The following PCDH11X variants were observed in gnomAD, a reference collection of about 807,000 sequenced individuals.
PCDH11X encodes protocadherin-11 X-linked.
Under a neutral mutation model 53.3 loss-of-function variants are expected in PCDH11X, and 18 were observed. That is an observed-to-expected ratio of 0.34 (90% CI 0.23 to 0.50). The LOEUF (loss-of-function observed/expected upper bound fraction) is 0.50. PCDH11X is among the 20% of genes least tolerant of loss of function. The pLI is 0.98. For missense variants in PCDH11X, 570 were observed against 1,032.4 expected (o/e 0.55, Z 6.14); for synonymous variants, 279 against 393.3 (o/e 0.71, Z 3.44).
chrX:92,522,118 CTA>C (rs749419380), intron 10 of PCDH11X, among the ~76,000 whole-genome samples: 1 of 112,145 alleles, frequency 8.9e-6, no homozygotes, highest in African/African-American at 3.2e-5. Context: ...ACTTGGCAAA[CTA>C]TTTGGTGCAA....
At chrX:92,308,355 T>C (rs941440149) in intron 8 of PCDH11X, among the ~76,000 whole-genome samples, 18 of 111,579 alleles carry the variant, frequency 1.6e-4, no homozygotes, top group Admixed American at 1.4e-3. Context: ...ATCATGTATA[T>C]GGTTAAATGA....
chrX:92,306,024 A>G lies in PCDH11X; in HGVS notation c.3144+42881A>G, dbSNP rs190184760. On this transcript the variant is annotated intron_variant, in intron 8 of 10. Transcript: ENST00000682573. Reference sequence around the variant, plus strand: ...CCAGAATTGACCATATGACAGCCATAAAACAAGTCAATAATCTTAAATGGC... The same window carrying G: ...CCAGAATTGACCATATGACAGCCATGAAACAAGTCAATAATCTTAAATGGC... 6.4e-3 allele frequency among the ~76,000 whole-genome samples: 708 copies of G among 111,000 alleles called. 7 individuals carry two copies. The highest frequency in any genetic ancestry group is 0.022 in the African/African-American group (671 of 30,519).
chrX:92,276,737 T>G (rs1036071658), intron 8 of PCDH11X, among the ~76,000 whole-genome samples: 2 of 111,918 alleles, frequency 1.8e-5, no homozygotes, highest in Non-Finnish European at 3.8e-5. Flanking sequence ...TGGAGTTTTA[T>G]TTAATGTCGG....
intron 6 of PCDH11X, among the ~76,000 whole-genome samples, chrX:91,967,165 T>A (rs1341286428): frequency 9.1e-6 from 1 of 110,343 alleles, no homozygotes; most frequent in African/African-American, 3.3e-5. Flanking sequence ...GGGACCTATT[T>A]AGTGTCATTC....
intron 7 of PCDH11X, 139 bp from the exon 8 acceptor site, chrX:92,262,975 G>A: frequency 3.8e-6 from 4 of 1,060,494 alleles, no homozygotes; most frequent in Non-Finnish European, 3.7e-6. Context: ...ACAAAGCTGT[G>A]TACCATTGCA....
chrX:92,015,076 T>C (rs1317903464), intron 6 of PCDH11X, among the ~76,000 whole-genome samples: 1 of 112,255 alleles, frequency 8.9e-6, no homozygotes, highest in Non-Finnish European at 1.9e-5. Context: ...CAAAAAAAGA[T>C]ATAAAATAAA....
chrX:92,063,448 C>T (rs749830585), intron 6 of PCDH11X, among the ~76,000 whole-genome samples: 32 of 110,830 alleles, frequency 2.9e-4, no homozygotes, highest in African/African-American at 1.0e-3. Context: ...CATGTATCTC[C>T]TGGGTTATTT....
intron 6 of PCDH11X, among the ~76,000 whole-genome samples, chrX:92,193,582 A>AT (rs1478215873): frequency 2.7e-5 from 3 of 110,697 alleles, no homozygotes; most frequent in Admixed American, 9.7e-5. Context: ...ATTCCTCTAT[A>AT]TTTTTTTCCA....
intron 1 of PCDH11X, among the ~76,000 whole-genome samples, chrX:91,807,671 A>C (rs1466811310): frequency 2.7e-5 from 3 of 111,711 alleles, no homozygotes; most frequent in African/African-American, 9.8e-5. Flanking sequence ...CTCATAAATC[A>C]TTCTAGGAGG....
intron 7 of PCDH11X, among the ~76,000 whole-genome samples, chrX:92,221,737 CA>C (rs909393789): frequency 9.0e-6 from 1 of 111,598 alleles, no homozygotes; most frequent in African/African-American, 3.3e-5. Context: ...TAATAAAAAT[CA>C]AAGTGAACCT....
At chrX:92,351,966 T>C (rs1188719242) in intron 8 of PCDH11X, among the ~76,000 whole-genome samples, 1 of 111,982 alleles carries the variant, frequency 8.9e-6, no homozygotes. Context: ...TTTCAAGCAA[T>C]GGGAAATTGG....
At chrX:91,875,449 A>ATT (rs547202071) in intron 5 of PCDH11X, among the ~76,000 whole-genome samples, 5 of 99,945 alleles carry the variant, frequency 5.0e-5, no homozygotes, top group African/African-American at 1.5e-4. Flanking sequence ...CGCCAGGCTA[A>ATT]TTTTTTTTTT....
intron 6 of PCDH11X, among the ~76,000 whole-genome samples, chrX:92,043,129 A>C: frequency 9.3e-6 from 1 of 107,320 alleles, no homozygotes; most frequent in African/African-American, 3.5e-5. Flanking sequence ...AAAGTGAGGG[A>C]GAATATTTTT....
chrX:92,468,380 G>T, intron 10 of PCDH11X, 58 bp downstream of exon 10: 1 of 1,135,126 alleles, frequency 8.8e-7, no homozygotes, highest in South Asian at 2.2e-5. Context: ...TTAAAATGCA[G>T]TGCTGATTTG....
rs182976957 is a variant in PCDH11X at position 91,965,575 on chromosome X, T to G, written c.3033+86302T>G. Among the ~76,000 whole-genome samples the G allele has an allele frequency of 2.8e-5, 3 of 106,513 alleles. No homozygotes were observed. The East Asian group carries it at 8.9e-4, about 32-fold the overall frequency. The allele number at this position is 106,513 out of a possible 115,157, so 92.5% of individuals were successfully genotyped here. On this transcript the variant is annotated intron_variant, in intron 6 of 10. Transcript: ENST00000682573. ...ACTTAATTTATAGAGGAGGGACCAATTAAGAGACTTGACAATGAAGTCATT... is the reference window on the plus strand; with the variant it reads ...ACTTAATTTATAGAGGAGGGACCAAGTAAGAGACTTGACAATGAAGTCATT...
chrX:92,411,693 G>T (rs1210179472), intron 9 of PCDH11X, among the ~76,000 whole-genome samples: 1 of 107,090 alleles, frequency 9.3e-6, no homozygotes, highest in Non-Finnish European at 1.9e-5. Context: ...TGGGCATTTG[G>T]GTTGGTTTCA....
chrX:92,154,551 T>C (rs1252982720), intron 6 of PCDH11X, among the ~76,000 whole-genome samples: 1 of 106,670 alleles, frequency 9.4e-6, no homozygotes, highest in Non-Finnish European at 1.9e-5. Flanking sequence ...ATGTTGCATT[T>C]TCCAAGACCA....
intron 6 of PCDH11X, among the ~76,000 whole-genome samples, chrX:92,170,523 A>T (rs1482844968): frequency 9.0e-6 from 1 of 110,556 alleles, no homozygotes; most frequent in African/African-American, 3.3e-5. Context: ...ATTTTCAAAC[A>T]TACAGGAAAG....
intron 10 of PCDH11X, among the ~76,000 whole-genome samples, chrX:92,494,887 C>T (rs1488269817): frequency 2.2e-5 from 2 of 92,228 alleles, no homozygotes; most frequent in Admixed American, 1.3e-4. Flanking sequence ...GACGACTCTG[C>T]GCTAGATACA....
Sources: allele counts gnomAD v4.1 joint callset (sites outside exome capture counted in the v4.1 genomes callset), GRCh38; gene constraint gnomAD v4.1.1; transcripts MANE v1.5; gene names NCBI Gene and HGNC (gene_info 2026-07-23, HGNC 2026-07-21).